Variants in SEZ6 observed in about 807,000 individuals in gnomAD.
SEZ6 encodes seizure related 6 homolog.
Under a neutral mutation model 101.0 loss-of-function variants are expected in SEZ6, and 53 were observed. That is an observed-to-expected ratio of 0.52 (90% CI 0.42 to 0.66). The LOEUF (loss-of-function observed/expected upper bound fraction) is 0.66, where lower values mean the gene tolerates loss of function less well. Among genes scored for constraint, SEZ6 ranks in the 30% least tolerant of loss-of-function variants. SEZ6 has a pLI of 0.00. For missense variants in SEZ6, 1,102 were observed against 1,289.4 expected, an observed-to-expected ratio of 0.85 and a Z score of 2.23; for synonymous variants, 488 against 512.2, an observed-to-expected ratio of 0.95 and a Z score of 0.64.
chr17:28,966,848 T>A (rs757396842), intron 4 of SEZ6, among the ~76,000 whole-genome samples: 1 of 152,240 alleles, frequency 6.6e-6, no homozygotes, highest in Non-Finnish European at 1.5e-5. Flanking sequence ...CCTGTTACTA[T>A]GTCTGTGAAA....
chr17:28,983,333 C>A (rs1024156320), intron 1 of SEZ6, among the ~76,000 whole-genome samples: 1 of 152,192 alleles, frequency 6.6e-6, no homozygotes, highest in African/African-American at 2.4e-5. Flanking sequence ...GGGTGAAAAA[C>A]AGGTGTAGAA....
At chr17:28,976,116 G>T (rs536857002) in intron 3 of SEZ6, among the ~76,000 whole-genome samples, 2 of 152,326 alleles carry the variant, frequency 1.3e-5, no homozygotes, top group South Asian at 4.1e-4. Context: ...ATCACAGAGG[G>T]CCTGACCTGG....
intron 4 of SEZ6, among the ~76,000 whole-genome samples, chr17:28,965,353 A>C (rs1598185037): frequency 1.3e-5 from 2 of 152,224 alleles, no homozygotes; most frequent in Middle Eastern, 6.8e-3. Flanking sequence ...ACTTCATCTC[A>C]AAAAAACAAA....
chr17:28,983,336 G>A (rs1286667332), intron 1 of SEZ6, among the ~76,000 whole-genome samples: 1 of 152,180 alleles, frequency 6.6e-6, no homozygotes, highest in African/African-American at 2.4e-5. Flanking sequence ...TGAAAAACAG[G>A]TGTAGAATGG....
intron 4 of SEZ6, among the ~76,000 whole-genome samples, chr17:28,968,684 C>T (rs1357594861): frequency 6.6e-6 from 1 of 152,138 alleles, no homozygotes; most frequent in Non-Finnish European, 1.5e-5. Flanking sequence ...GGTGAGTGCT[C>T]CTTAGGTGGG....
At position 28,955,614 on chromosome 17, in the gene SEZ6, A is replaced by T. The variant is rs1405523244; in HGVS notation, c.*348T>A. Reference sequence around the variant, plus strand: ...CCAGGGCGGGATGGTGGTCATGTGGAGAAAGGTACTCCTGCTCTGCTAGTG... The same window carrying T: ...CCAGGGCGGGATGGTGGTCATGTGGTGAAAGGTACTCCTGCTCTGCTAGTG... On this transcript the variant is annotated 3_prime_UTR_variant, in exon 17 of 17. Coordinates refer to ENST00000317338, the MANE Select transcript of SEZ6 (RefSeq NM_178860.5). The T allele has an allele frequency of 3.8e-6, 2 of 532,346 alleles. No homozygotes were observed. The highest frequency in any genetic ancestry group is 3.1e-5 in the South Asian group (2 of 65,220). The allele number at this position is 532,346 out of a possible 1,614,324, so 33.0% of individuals were successfully genotyped here. A position where few individuals can be genotyped will look rare whatever the true frequency, so the allele number is the denominator to read the frequency against.
chr17:28,989,501 G>A (rs2041428923), intron 1 of SEZ6, among the ~76,000 whole-genome samples: 1 of 152,186 alleles, frequency 6.6e-6, no homozygotes, highest in Non-Finnish European at 1.5e-5. Flanking sequence ...CCTTTGTGAT[G>A]ATGGAAATAT....
chr17:28,960,118 GT>G, intron 7 of SEZ6: 1 of 603,684 alleles, frequency 1.7e-6, no homozygotes, highest in Non-Finnish European at 2.9e-6. Context: ...CCACTGCCTG[GT>G]TTTGTGCTTA....
intron 13 of SEZ6, 139 bp from the exon 14 acceptor site, chr17:28,956,896 C>A: frequency 7.4e-7 from 1 of 1,355,260 alleles, no homozygotes; most frequent in East Asian, 2.5e-5. Flanking sequence ...CTTGGTGATG[C>A]CAGGTCAGAA....
intron 4 of SEZ6, among the ~76,000 whole-genome samples, chr17:28,966,217 A>G (rs1190733075): frequency 6.6e-6 from 1 of 151,624 alleles, no homozygotes; most frequent in Non-Finnish European, 1.5e-5. Flanking sequence ...ACGGTGGCTC[A>G]CACCTGTAAT....
chr17:28,964,901 A>C (rs1453552935), intron 4 of SEZ6, among the ~76,000 whole-genome samples: 2 of 151,772 alleles, frequency 1.3e-5, no homozygotes, highest in African/African-American at 4.8e-5. Flanking sequence ...TACTAAAAAT[A>C]CAAAATTAGC....
intron 4 of SEZ6, among the ~76,000 whole-genome samples, chr17:28,967,971 G>A (rs1031786979): frequency 2.6e-5 from 4 of 152,190 alleles, no homozygotes; most frequent in African/African-American, 9.7e-5. Context: ...TGAGGATGCA[G>A]GAGGGGGATG....
rs575200722 is a variant in SEZ6, at chr17:28,957,820, T to G, written c.2302+127A>C. The G allele has an allele frequency of 3.0e-5, 33 of 1,106,116 alleles. No homozygotes were observed. The South Asian group carries it at 4.9e-4, about 16-fold the overall frequency. The allele number at this position is 1,106,116 out of a possible 1,614,324, so 68.5% of individuals were successfully genotyped here. The stretch of plus-strand genomic sequence containing the variant: ...ATCCCCATTTCACAGATGAGGAAAC[T>G]GAGGCTATAAGAGGTGAAGGAACTT... On this transcript the variant is annotated intron_variant, in intron 11 of 16. Transcript: ENST00000317338.
intron 4 of SEZ6, among the ~76,000 whole-genome samples, chr17:28,966,717 G>A (rs1488799758): frequency 2.0e-5 from 3 of 152,120 alleles, no homozygotes; most frequent in Non-Finnish European, 4.4e-5. Flanking sequence ...GGGTGCCTTT[G>A]TGTGAATAGA....
In SEZ6 at chr17:28,981,363, T is replaced by C; in HGVS notation, c.724+8A>G. The C allele has an allele frequency of 1.3e-6, 2 of 1,537,690 alleles. No individual in the cohort carries two copies. The highest frequency in any genetic ancestry group is 4.0e-5 in the Admixed American group (2 of 50,608). ...ATTTCCACATCTGCAAGCCAGCAGG[T>C]AGCTGACCTGGTGTCTGGACTGTGG... On this transcript the variant is annotated splice_region_variant and intron_variant, in intron 2 of 16. Coordinates refer to ENST00000317338, the MANE Select transcript of SEZ6 (RefSeq NM_178860.5).
intron 1 of SEZ6, among the ~76,000 whole-genome samples, chr17:29,003,874 T>G (rs1166326774): frequency 6.7e-6 from 1 of 149,552 alleles, no homozygotes; most frequent in Non-Finnish European, 1.5e-5. Flanking sequence ...CTGGAGATCC[T>G]GATAGTCAGG....
At position 28,960,501 on chromosome 17, in the gene SEZ6, T is replaced by C; in HGVS notation, c.1576+4A>G. On this transcript the variant is annotated splice_donor_region_variant and intron_variant, in intron 7 of 16. Transcript: ENST00000317338. ...CACCCCCAGTGAGGCCCCAGCAGGCTCACCCTCATAGCGCAGGGCCATGCC... is the reference window on the plus strand; with the variant it reads ...CACCCCCAGTGAGGCCCCAGCAGGCCCACCCTCATAGCGCAGGGCCATGCC... 1 of 1,587,082 alleles carries C rather than the reference T, an allele frequency of 6.3e-7. No individual in the cohort carries two copies. Among genetic ancestry groups the C allele is most frequent in the Non-Finnish European group, 8.6e-7 (1 of 1,167,436 alleles).
intron 4 of SEZ6, among the ~76,000 whole-genome samples, chr17:28,966,849 G>A (rs942343365): frequency 1.3e-5 from 2 of 152,224 alleles, no homozygotes; most frequent in Admixed American, 6.5e-5. Context: ...CTGTTACTAT[G>A]TCTGTGAAAG....
chr17:28,983,455 A>G (rs1033195095), intron 1 of SEZ6, among the ~76,000 whole-genome samples: 18 of 152,158 alleles, frequency 1.2e-4, no homozygotes, highest in East Asian at 3.9e-4. Flanking sequence ...CCCTCTCACA[A>G]TGTTATTCAG....
Sources: allele counts gnomAD v4.1 joint callset (sites outside exome capture counted in the v4.1 genomes callset), GRCh38; gene constraint gnomAD v4.1.1; transcripts MANE v1.5; gene names NCBI Gene and HGNC (gene_info 2026-07-23, HGNC 2026-07-21).